Variants in NRXN1 observed in about 807,000 individuals in gnomAD.
The protein encoded by NRXN1 is neurexin-1.
NRXN1 carries 39 observed loss-of-function variants against 150.9 expected under a neutral mutation model. The ratio of observed to expected loss-of-function variants is 0.26; its 90% CI spans 0.20 to 0.34. The LOEUF is 0.34. Ranked by LOEUF, NRXN1 falls within the 10% of genes least tolerant of loss-of-function variation. The pLI is 1.00. For synonymous variants in NRXN1, 924 were observed against 757.0 expected (o/e 1.22, Z -3.62); for missense variants, 1,815 against 1,949.9 (o/e 0.93, Z 1.30).
At chr2:50,981,872 T>A (rs1304019164) in intron 2 of NRXN1, among the ~76,000 whole-genome samples, 1 of 151,570 alleles carries the variant, frequency 6.6e-6, no homozygotes, top group African/African-American at 2.4e-5. Flanking sequence ...TGGTGTGTAA[T>A]CTACACAGAA....
At chr2:50,928,138 A>G (rs931751636) in intron 2 of NRXN1, among the ~76,000 whole-genome samples, 2 of 151,970 alleles carry the variant, frequency 1.3e-5, no homozygotes, top group Admixed American at 6.6e-5. Flanking sequence ...AAACGATCCA[A>G]GTCATGTTTA....
At chr2:50,991,929 A>G (rs1481799469) in intron 2 of NRXN1, among the ~76,000 whole-genome samples, 1 of 152,020 alleles carries the variant, frequency 6.6e-6, no homozygotes, top group Non-Finnish European at 1.5e-5. Flanking sequence ...TTATTTTCTA[A>G]GCATTTTATC....
intron 2 of NRXN1, among the ~76,000 whole-genome samples, chr2:50,998,655 A>G (rs373610529): frequency 6.6e-6 from 1 of 152,060 alleles, no homozygotes; most frequent in South Asian, 2.1e-4. Context: ...TCCATTAAAA[A>G]ACTATTAATG....
chr2:50,683,309 T>C (rs1690685331), intron 5 of NRXN1, among the ~76,000 whole-genome samples: 1 of 151,802 alleles, frequency 6.6e-6, no homozygotes, highest in African/African-American at 2.4e-5. Flanking sequence ...AAGAAGCAAT[T>C]GCTCTCTTAA....
At chr2:50,652,939 G>A (rs1033837366) in intron 5 of NRXN1, among the ~76,000 whole-genome samples, 2 of 152,034 alleles carry the variant, frequency 1.3e-5, no homozygotes, top group Non-Finnish European at 2.9e-5. Flanking sequence ...TAATGATGTT[G>A]AGCCTCTATC....
intron 5 of NRXN1, among the ~76,000 whole-genome samples, chr2:50,910,442 A>G (rs537210860): frequency 8.0e-4 from 122 of 152,106 alleles, no homozygotes; most frequent in African/African-American, 2.8e-3. Context: ...AAGAGGCCAG[A>G]TAACTTTCCC....
intron 8 of NRXN1, among the ~76,000 whole-genome samples, chr2:50,558,786 G>A (rs1024413543): frequency 9.2e-5 from 14 of 152,156 alleles, no homozygotes; most frequent in African/African-American, 3.4e-4. Flanking sequence ...AAGGCCGAGC[G>A]CAGTGGCTCA....
intron 17 of NRXN1, among the ~76,000 whole-genome samples, chr2:50,443,665 T>C (rs915005868): frequency 1.3e-5 from 2 of 152,148 alleles, no homozygotes; most frequent in Non-Finnish European, 2.9e-5. Flanking sequence ...GGCTTGGGGA[T>C]CCTTTAGAAT....
chr2:50,653,762 T>G (rs1685976585), intron 5 of NRXN1, among the ~76,000 whole-genome samples: 1 of 152,020 alleles, frequency 6.6e-6, no homozygotes, highest in African/African-American at 2.4e-5. Flanking sequence ...ACTGACCACA[T>G]GATCAGACTT....
intron 5 of NRXN1, among the ~76,000 whole-genome samples, chr2:50,791,601 T>C (rs185613624): frequency 6.6e-5 from 10 of 152,264 alleles, no homozygotes; most frequent in Admixed American, 5.9e-4. Context: ...ACAGAAGACT[T>C]TGCTGAAGAA....
intron 8 of NRXN1, among the ~76,000 whole-genome samples, chr2:50,618,934 C>T (rs1381039245): frequency 6.6e-6 from 1 of 151,996 alleles, no homozygotes; most frequent in Non-Finnish European, 1.5e-5. Context: ...TTCAGAACTG[C>T]ACCTCTTCAT....
At position 50,098,873 on chromosome 2, in the gene NRXN1, T is replaced by G. The variant is rs1438183181; in HGVS notation, c.3547-7379A>C. Among the ~76,000 whole-genome samples the G allele has an allele frequency of 1.3e-3, 90 of 67,646 alleles. 3 individuals carry two copies. Among genetic ancestry groups the G allele is most frequent in the African/African-American group, 4.9e-3 (84 of 17,156 alleles). The allele number at this position is 67,646 out of a possible 152,430, so 44.4% of individuals were successfully genotyped here. ...TTTTTTTTTTTTTTTTTTTTTTTTT[T>G]TTTTTTTTTGGCTAGTTACATTTTG... On this transcript the variant is annotated intron_variant, in intron 18 of 22. Transcript: ENST00000401669.
intron 5 of NRXN1, among the ~76,000 whole-genome samples, chr2:50,755,303 C>A (rs1212291944): frequency 6.6e-6 from 1 of 151,764 alleles, no homozygotes; most frequent in African/African-American, 2.4e-5. Flanking sequence ...TCTTCATTTC[C>A]TTATTTGTAA....
Position 50,429,829 on chromosome 2 carries a change from C to T in NRXN1, c.3364+35613G>A, listed in dbSNP as rs111835417. On this transcript the variant is annotated intron_variant, in intron 17 of 22. Coordinates refer to ENST00000401669, the MANE Select transcript of NRXN1 (RefSeq NM_001330078.2). ...CTATTGTGGGCATAATGGAATAAGA[C>T]GAGAGAAGCACGGTGATCAGATGAA... Among the ~76,000 whole-genome samples, 1,289 of 152,086 alleles carry T rather than the reference C, an allele frequency of 8.5e-3. 8 individuals are homozygous for T. Among genetic ancestry groups the T allele is most frequent in the Middle Eastern group, 0.034 (10 of 294 alleles).
chr2:49,985,421 A>T (rs1212294130), intron 21 of NRXN1, among the ~76,000 whole-genome samples: 1 of 152,158 alleles, frequency 6.6e-6, no homozygotes, highest in Non-Finnish European at 1.5e-5. Flanking sequence ...CCTCCTTTTC[A>T]AGCTGTATAG....
At chr2:50,264,349 A>G (rs1022838507) in intron 17 of NRXN1, among the ~76,000 whole-genome samples, 2 of 152,102 alleles carry the variant, frequency 1.3e-5, no homozygotes, top group Non-Finnish European at 2.9e-5. Flanking sequence ...ATTCATTAAC[A>G]TTTCATATCC....
chr2:50,499,447 T>C (rs566901758), intron 13 of NRXN1, among the ~76,000 whole-genome samples: 2 of 152,286 alleles, frequency 1.3e-5, no homozygotes, highest in Admixed American at 6.5e-5. Flanking sequence ...AAAAGTACTA[T>C]TACATCCTTG....
intron 5 of NRXN1, among the ~76,000 whole-genome samples, chr2:50,806,590 C>A (rs1003058285): frequency 6.6e-6 from 1 of 152,072 alleles, no homozygotes; most frequent in Admixed American, 6.5e-5. Context: ...GAATATCTTT[C>A]AGTAATTTCC....
At chr2:50,561,060 C>A (rs1244823117) in intron 8 of NRXN1, among the ~76,000 whole-genome samples, 1 of 152,148 alleles carries the variant, frequency 6.6e-6, no homozygotes, top group African/African-American at 2.4e-5. Context: ...CAATTAAATA[C>A]AACCAAATAT....
Sources: gnomAD v4.1 joint callset for allele counts (sites outside exome capture counted in the v4.1 genomes callset) on GRCh38, gnomAD v4.1.1 for gene constraint, MANE v1.5 for transcripts, NCBI Gene and HGNC (gene_info 2026-07-23, HGNC 2026-07-21) for gene names.